Variants in HOMER1 observed in about 807,000 individuals in gnomAD.
HOMER1 encodes homer scaffold protein 1.
Under a neutral mutation model 48.9 loss-of-function variants are expected in HOMER1, and 3 were observed. The observed-to-expected ratio is 0.06, with a 90% CI of 0.03 to 0.16. The LOEUF is 0.16. Ranked by LOEUF, HOMER1 falls within the 10% of genes least tolerant of loss-of-function variation. The pLI is 1.00. For missense variants in HOMER1, 247 were observed against 411.4 expected (o/e 0.60, Z 3.46); for synonymous variants, 134 against 146.4 (o/e 0.92, Z 0.61).
At chr5:79,442,295 G>C (rs1750757764) in intron 4 of HOMER1, among the ~76,000 whole-genome samples, 1 of 152,182 alleles carries the variant, frequency 6.6e-6, no homozygotes, top group Non-Finnish European at 1.5e-5. Context: ...ACAGATGTGA[G>C]ATTCAGGAAA....
intron 1 of HOMER1, among the ~76,000 whole-genome samples, chr5:79,486,495 A>G (rs1484284956): frequency 6.6e-6 from 1 of 152,202 alleles, no homozygotes; most frequent in Non-Finnish European, 1.5e-5. Context: ...TTATACAGGC[A>G]TTGTTGTAGG....
intron 5 of HOMER1, among the ~76,000 whole-genome samples, chr5:79,418,664 C>G (rs1158397506): frequency 6.6e-6 from 1 of 152,122 alleles, no homozygotes; most frequent in Non-Finnish European, 1.5e-5. Flanking sequence ...TTCCTTTAAC[C>G]TAAGTATGAA....
At chr5:79,457,850 T>C (rs1344634154) in intron 1 of HOMER1, among the ~76,000 whole-genome samples, 1 of 152,202 alleles carries the variant, frequency 6.6e-6, no homozygotes, top group East Asian at 1.9e-4. Flanking sequence ...GAATAAACTA[T>C]GCTCTGCTAA....
intron 1 of HOMER1, among the ~76,000 whole-genome samples, chr5:79,484,871 G>C (rs1250709158): frequency 6.6e-6 from 1 of 152,110 alleles, no homozygotes; most frequent in Non-Finnish European, 1.5e-5. Flanking sequence ...AAATGTATGG[G>C]ACCTTCTACC....
intron 1 of HOMER1, among the ~76,000 whole-genome samples, chr5:79,464,922 C>T (rs568926228): frequency 2.6e-5 from 4 of 152,078 alleles, no homozygotes; most frequent in African/African-American, 7.2e-5. Flanking sequence ...AGTGATGAAC[C>T]AAAAATATAG....
At chr5:79,401,283 C>A (rs543686541) in intron 6 of HOMER1, among the ~76,000 whole-genome samples, 28 of 152,192 alleles carry the variant, frequency 1.8e-4, no homozygotes, top group African/African-American at 6.5e-4. Flanking sequence ...TGACTCAGTG[C>A]AACTACATGC....
chr5:79,406,287 G>A (rs1749660143), intron 5 of HOMER1, among the ~76,000 whole-genome samples: 2 of 152,144 alleles, frequency 1.3e-5, no homozygotes, highest in African/African-American at 4.8e-5. Flanking sequence ...GTAAAATCTT[G>A]AAATATACTA....
chr5:79,504,716 T>C (rs1198049500), intron 1 of HOMER1, among the ~76,000 whole-genome samples: 1 of 152,064 alleles, frequency 6.6e-6, no homozygotes, highest in African/African-American at 2.4e-5. Flanking sequence ...AGAAAGACAA[T>C]AACTACTTAA....
At chr5:79,490,967 T>C (rs1752255596) in intron 1 of HOMER1, among the ~76,000 whole-genome samples, 1 of 149,176 alleles carries the variant, frequency 6.7e-6, no homozygotes, top group East Asian at 1.9e-4. Context: ...ATAAGTTTCT[T>C]GGAAATATAA....
chr5:79,404,826 C>T (rs1233313117), intron 5 of HOMER1, among the ~76,000 whole-genome samples: 2 of 151,908 alleles, frequency 1.3e-5, no homozygotes, highest in Non-Finnish European at 1.5e-5. Flanking sequence ...GCCTCAGCCT[C>T]CCAAGTAGCT....
At chr5:79,392,240 G>A (rs1424622495) in intron 8 of HOMER1, among the ~76,000 whole-genome samples, 1 of 152,076 alleles carries the variant, frequency 6.6e-6, no homozygotes, top group African/African-American at 2.4e-5. Context: ...GACAGCCCCA[G>A]GCAGGTCCTT....
chr5:79,441,539 A>G (rs10058469), intron 4 of HOMER1, among the ~76,000 whole-genome samples: 33,381 of 152,070 alleles, frequency 0.22, 3,749 homozygotes, highest in South Asian at 0.35. Context: ...TCTTCAGAAA[A>G]CTTGAATATT....
chr5:79,374,321 G>T lies in HOMER1; in HGVS notation c.*1688C>A, dbSNP rs1299520441. The T allele has an allele frequency of 6.6e-6, 1 of 152,258 alleles. No individual in the cohort carries two copies. The highest frequency in any genetic ancestry group is 2.4e-5 in the African/African-American group (1 of 41,388). 9.4% of individuals were successfully genotyped at this position (152,258 alleles called of 1,614,324 possible). On this transcript the variant is annotated 3_prime_UTR_variant, in exon 9 of 9. Coordinates refer to ENST00000334082, the MANE Select transcript of HOMER1 (RefSeq NM_004272.5). ...GTTACAGCACATATAATACATGATT[G>T]TTATAAATTTTTCAGAGACACCTGA...
At chr5:79,494,517 T>A (rs1447716157) in intron 1 of HOMER1, among the ~76,000 whole-genome samples, 2 of 152,224 alleles carry the variant, frequency 1.3e-5, no homozygotes, top group Non-Finnish European at 2.9e-5. Context: ...CTACTCTGTT[T>A]CAATTCAAGC....
intron 5 of HOMER1, among the ~76,000 whole-genome samples, chr5:79,403,875 T>C (rs1749593475): frequency 6.6e-6 from 1 of 152,160 alleles, no homozygotes; most frequent in Non-Finnish European, 1.5e-5. Flanking sequence ...GAAAATATCA[T>C]CAAAACATGA....
intron 5 of HOMER1, among the ~76,000 whole-genome samples, chr5:79,425,183 T>C: frequency 6.6e-6 from 1 of 151,766 alleles, no homozygotes; most frequent in East Asian, 1.9e-4. Flanking sequence ...GTGACTCCAC[T>C]AAGTTCCAAA....
chr5:79,447,785 G>C (rs1443420910), intron 3 of HOMER1, among the ~76,000 whole-genome samples: 1 of 152,060 alleles, frequency 6.6e-6, no homozygotes, highest in Non-Finnish European at 1.5e-5. Flanking sequence ...TAATTCTTAG[G>C]AACTCATAGG....
At chr5:79,437,404 C>T (rs866421282) in intron 5 of HOMER1, among the ~76,000 whole-genome samples, 2 of 151,968 alleles carry the variant, frequency 1.3e-5, no homozygotes, top group African/African-American at 2.4e-5. Context: ...AAATTGCATA[C>T]TAATATGATT....
In HOMER1 at chr5:79,375,966, A is replaced by G; in HGVS notation, c.*43T>C. ...AGCCTAAACAGTCCTATGAAGAGAG[A>G]CAGTGTATCTTTTAATTAATTGGCA... On this transcript the variant is annotated 3_prime_UTR_variant, in exon 9 of 9. Coordinates refer to ENST00000334082, the MANE Select transcript of HOMER1 (RefSeq NM_004272.5). The G allele has an allele frequency of 7.7e-7, 1 of 1,301,922 alleles. No homozygotes were observed. 80.6% of individuals were successfully genotyped at this position (1,301,922 alleles called of 1,614,324 possible). A position where few individuals can be genotyped will look rare whatever the true frequency, so the allele number is the denominator to read the frequency against.
Sources: gnomAD v4.1 joint callset for allele counts (sites outside exome capture counted in the v4.1 genomes callset) on GRCh38, gnomAD v4.1.1 for gene constraint, MANE v1.5 for transcripts, NCBI Gene and HGNC (gene_info 2026-07-23, HGNC 2026-07-21) for gene names.